Variants in CPS1 observed in about 807,000 individuals in gnomAD.
CPS1 encodes carbamoyl-phosphate synthase 1, also known as carbamoyl-phosphate synthase [ammonia], mitochondrial.
Under a neutral mutation model 174.6 loss-of-function variants are expected in CPS1, and 109 were observed. The observed-to-expected ratio is 0.62, with a 90% CI of 0.53 to 0.73. CPS1 has a LOEUF of 0.73. Among genes scored for constraint, CPS1 ranks in the 30% least tolerant of loss-of-function variants. CPS1 has a pLI of 0.00. For missense variants in CPS1, 1,689 were observed against 1,821.9 expected (o/e 0.93, Z 1.33); for synonymous variants, 637 against 632.0 (o/e 1.01, Z -0.12).
At chr2:210,591,612 C>G (rs1431248671) in intron 9 of CPS1, among the ~76,000 whole-genome samples, 1 of 151,984 alleles carries the variant, frequency 6.6e-6, no homozygotes, top group Non-Finnish European at 1.5e-5. Context: ...TTTAATAGAC[C>G]TGCGTATTTA....
At chr2:210,512,733 G>GTT (rs1491448268) in intron 1 of CPS1, among the ~76,000 whole-genome samples, 2 of 68,242 alleles carry the variant, frequency 2.9e-5, no homozygotes, top group African/African-American at 1.0e-4. Flanking sequence ...TCCTCCAGTA[G>GTT]TTTTATATAT....
intron 1 of CPS1, among the ~76,000 whole-genome samples, chr2:210,479,260 T>C (rs1184414200): frequency 6.6e-6 from 1 of 152,034 alleles, no homozygotes; most frequent in African/African-American, 2.4e-5. Flanking sequence ...GTGTTGTCTG[T>C]GTCCTAATTT....
chr2:210,485,549 A>AT (rs979500985), intron 1 of CPS1, among the ~76,000 whole-genome samples: 1 of 151,936 alleles, frequency 6.6e-6, no homozygotes. Flanking sequence ...TGTAATTCTG[A>AT]TTTTTTTCAC....
chr2:210,508,055 C>T (rs1056956993), intron 1 of CPS1, among the ~76,000 whole-genome samples: 9 of 151,942 alleles, frequency 5.9e-5, no homozygotes, highest in African/African-American at 9.7e-5. Flanking sequence ...AACTCTCCAC[C>T]CCAAATCAAC....
At chr2:210,524,388 T>C (rs1695915688) in intron 1 of CPS1, among the ~76,000 whole-genome samples, 1 of 152,032 alleles carries the variant, frequency 6.6e-6, no homozygotes, top group South Asian at 2.1e-4. Context: ...GCGTACTGTA[T>C]GCTAGTTAAT....
At chr2:210,630,222 T>C (rs1447675749) in intron 21 of CPS1, among the ~76,000 whole-genome samples, 2 of 152,180 alleles carry the variant, frequency 1.3e-5, no homozygotes, top group Non-Finnish European at 2.9e-5. Context: ...TATGACATTA[T>C]ATTCAATACT....
chr2:210,508,678 TA>T (rs1345893114), intron 1 of CPS1, among the ~76,000 whole-genome samples: 3 of 151,894 alleles, frequency 2.0e-5, no homozygotes, highest in African/African-American at 4.8e-5. Context: ...TAGATGCAAT[TA>T]AAAAATGATA....
chr2:210,559,675 T>C (rs1031435908), intron 1 of CPS1, among the ~76,000 whole-genome samples: 2 of 152,144 alleles, frequency 1.3e-5, no homozygotes, highest in Non-Finnish European at 2.9e-5. Context: ...TGTAACAGTG[T>C]AATAGTGGGA....
At chr2:210,656,391 T>C in intron 29 of CPS1, 134 bp from the exon 30 acceptor site, 1 of 709,546 alleles carries the variant, frequency 1.4e-6, no homozygotes. Context: ...ACTGCTCTCA[T>C]CAGGAATGTA....
chr2:210,654,042 G>A lies in CPS1; in HGVS notation c.3498G>A (p.Leu1166=), dbSNP rs1342564191. ...TRVSQEHPVV[L]TKFVEGAREV... is the part of the protein sequence containing the mutation. ...CGTGACAGGAGCACCCAGTGGTGCT[G>A]ACAAAATTTGTTGAAGGGGCCCGAG... The change falls in exon 29 of 38, where the codon CTG becomes CTA. Residue 1166 remains leucine (L), a synonymous_variant. Coordinates refer to ENST00000233072, the MANE Select transcript of CPS1 (RefSeq NM_001875.5). 1 of 1,614,040 alleles carries A rather than the reference G, an allele frequency of 6.2e-7. No homozygotes were observed. The highest frequency in any genetic ancestry group is 1.7e-5 in the Admixed American group (1 of 60,030).
chr2:210,620,751 G>T (rs1413328496), intron 21 of CPS1, among the ~76,000 whole-genome samples: 1 of 151,978 alleles, frequency 6.6e-6, no homozygotes, highest in African/African-American at 2.4e-5. Context: ...GCACCAGGGG[G>T]TTGGTGCTAC....
chr2:210,603,044 C>T (rs1319820297), intron 16 of CPS1, among the ~76,000 whole-genome samples: 5 of 151,896 alleles, frequency 3.3e-5, no homozygotes, highest in African/African-American at 4.8e-5. Flanking sequence ...AAATATGCTC[C>T]AGGAAAACAG....
At chr2:210,522,276 TG>T (rs1182569082) in intron 1 of CPS1, among the ~76,000 whole-genome samples, 1 of 152,032 alleles carries the variant, frequency 6.6e-6, no homozygotes, top group African/African-American at 2.4e-5. Context: ...TATGTTTTCA[TG>T]TTCTTAACAA....
intron 1 of CPS1, among the ~76,000 whole-genome samples, chr2:210,537,647 A>G (rs1696292028): frequency 6.6e-6 from 1 of 152,216 alleles, no homozygotes; most frequent in Non-Finnish European, 1.5e-5. Context: ...GTAAGTCGCC[A>G]CATTTCTTTG....
At chr2:210,661,580 G>GT (rs1387899117) in intron 32 of CPS1, among the ~76,000 whole-genome samples, 4 of 152,090 alleles carry the variant, frequency 2.6e-5, no homozygotes, top group Admixed American at 6.5e-5. Context: ...TAAAAATCTT[G>GT]TTTAAGCTGA....
chr2:210,530,121 A>G (rs1229730052), intron 1 of CPS1, among the ~76,000 whole-genome samples: 1 of 152,072 alleles, frequency 6.6e-6, no homozygotes, highest in African/African-American at 2.4e-5. Context: ...TTCTGAAGGC[A>G]ACTTAGTGAC....
intron 6 of CPS1, among the ~76,000 whole-genome samples, chr2:210,586,902 TG>T (rs1472257368): frequency 6.6e-6 from 1 of 152,104 alleles, no homozygotes; most frequent in Non-Finnish European, 1.5e-5. Context: ...TTCATTATCT[TG>T]TAATTACAAT....
At chr2:210,656,446 G>T in intron 29 of CPS1, 79 bp from the exon 30 acceptor site, 1 of 961,588 alleles carries the variant, frequency 1.0e-6, no homozygotes, top group Non-Finnish European at 1.7e-6. Context: ...AGGACCAAAG[G>T]GGAGGATGAG....
upstream of CPS1, among the ~76,000 whole-genome samples, chr2:210,554,359 G>A (rs1274697031): frequency 1.3e-5 from 2 of 151,246 alleles, no homozygotes; most frequent in Admixed American, 1.3e-4. Context: ...AAACTCTCAT[G>A]CCCACATTTC....
Sources: gnomAD v4.1 joint callset for allele counts (sites outside exome capture counted in the v4.1 genomes callset) on GRCh38, gnomAD v4.1.1 for gene constraint, MANE v1.5 for transcripts, NCBI Gene and HGNC (gene_info 2026-07-23, HGNC 2026-07-21) for gene names.